CD82: variants seen among roughly 807,000 people sequenced by gnomAD.
CD82 encodes CD82 antigen.
A neutral mutation model predicts 37.4 loss-of-function variants in CD82; 36 were observed. That is an observed-to-expected ratio of 0.96 (90% confidence interval 0.74 to 1.27). The LOEUF is 1.27. CD82 is among the 50% of genes most tolerant of loss of function. The pLI, the probability that CD82 is intolerant of heterozygous loss-of-function variation, is 0.00. For synonymous variants in CD82, 158 were observed against 137.4 expected, an observed-to-expected ratio of 1.15 and a Z score of -1.05; for missense variants, 340 against 347.0, an observed-to-expected ratio of 0.98 and a Z score of 0.16.
At position 44,618,149 on chromosome 11, in the gene CD82, C is replaced by G. The variant is rs1853592092; in HGVS notation, c.439-13C>G. The stretch of plus-strand genomic sequence containing the variant: ...GCCGTGAGCACAAGCAGTCTGTCCC[C>G]TGCCTTGCCCAGGTGAAGTGCTGCG... On this transcript the variant is annotated splice_polypyrimidine_tract_variant and intron_variant, in intron 7 of 9. Coordinates refer to ENST00000227155, the MANE Select transcript of CD82 (RefSeq NM_002231.4). 1 of 1,613,234 alleles carries G rather than the reference C, an allele frequency of 6.2e-7. No individual in the cohort carries two copies. The highest frequency in any genetic ancestry group is 1.1e-5 in the South Asian group (1 of 91,052).
chr11:44,591,186 G>A (rs116250143), intron 2 of CD82, among the ~76,000 whole-genome samples: 2,305 of 152,250 alleles, frequency 0.015, 45 homozygotes, highest in African/African-American at 0.037. Flanking sequence ...TCAGCCTCTG[G>A]ACCCACCCAG....
chr11:44,618,148 C>G lies in CD82; in HGVS notation c.439-14C>G, dbSNP rs762322477. Reference sequence around the variant, plus strand: ...AGCCGTGAGCACAAGCAGTCTGTCCCCTGCCTTGCCCAGGTGAAGTGCTGC... The same window carrying G: ...AGCCGTGAGCACAAGCAGTCTGTCCGCTGCCTTGCCCAGGTGAAGTGCTGC... On this transcript the variant is annotated splice_polypyrimidine_tract_variant and intron_variant, in intron 7 of 9. Transcript: ENST00000227155. The G allele has an allele frequency of 5.6e-6, 9 of 1,613,080 alleles. No homozygotes were observed. The South Asian group carries it at 9.9e-5, about 18-fold the overall frequency.
In CD82 at chr11:44,605,142, G is replaced by T. The variant is rs774467192; in HGVS notation, c.221G>T (p.Cys74Phe). 1.2e-6 allele frequency: 2 copies of T among 1,614,194 alleles called. No homozygotes were observed. Among genetic ancestry groups the T allele is most frequent in the East Asian group, 2.2e-5 (1 of 44,878 alleles). Residue 74 changes from cysteine (C) to phenylalanine (F), a missense_variant, in exon 5 of 10, where the codon TGC (cysteine) becomes TTC (phenylalanine). Cys to Phe is a radical substitution (Grantham distance 205, BLOSUM62 -2). Coordinates refer to ENST00000227155, the MANE Select transcript of CD82 (RefSeq NM_002231.4). ...ACTATGCTCATGGGCTTCCTGGGCT[G>T]CATCGGCGCCGTCAACGAGGTCCGC... ...AVTMLMGFLGCIGAVNEVRCL... is the reference protein window; with the variant it reads ...AVTMLMGFLGFIGAVNEVRCL...
upstream of CD82, among the ~76,000 whole-genome samples, chr11:44,564,721 G>A (rs1212645530): frequency 1.3e-5 from 2 of 152,168 alleles, no homozygotes; most frequent in African/African-American, 4.8e-5. Flanking sequence ...CAGCTGCTGG[G>A]CACTGCCCCA....
At chr11:44,585,135 T>TC (rs1590332732) in intron 1 of CD82, 7 of 453,018 alleles carry the variant, frequency 1.5e-5, no homozygotes, top group Non-Finnish European at 3.1e-5. Context: ...GTCCTACTTC[T>TC]CCCCCAGCCC....
intron 8 of CD82, 107 bp from the exon 9 acceptor site, chr11:44,618,533 C>A: frequency 9.0e-7 from 1 of 1,108,342 alleles, no homozygotes; most frequent in Non-Finnish European, 1.3e-6. Context: ...ACAGGCAGAG[C>A]CCTCTGTAGG....
intron 2 of CD82, 34 bp from the exon 3 acceptor site, chr11:44,594,609 C>T (rs1327288968): frequency 6.7e-6 from 9 of 1,351,018 alleles, no homozygotes; most frequent in Non-Finnish European, 9.6e-6. Flanking sequence ...CTGAGCTGAT[C>T]CCCTCACTGG....
chr11:44,587,054 C>T (rs1305485184), intron 1 of CD82, among the ~76,000 whole-genome samples: 2 of 152,178 alleles, frequency 1.3e-5, no homozygotes, highest in Non-Finnish European at 2.9e-5. Flanking sequence ...CAGCCCTACC[C>T]CTAGAGATCC....
chr11:44,614,123 C>T (rs1292339139), intron 6 of CD82, among the ~76,000 whole-genome samples: 2 of 152,304 alleles, frequency 1.3e-5, no homozygotes, highest in African/African-American at 4.8e-5. Flanking sequence ...AGCAATTCTC[C>T]TGCCTCAGCC....
At chr11:44,598,715 G>T (rs1490502434) in intron 3 of CD82, among the ~76,000 whole-genome samples, 2 of 152,054 alleles carry the variant, frequency 1.3e-5, no homozygotes, top group African/African-American at 2.4e-5. Flanking sequence ...TCGTGCCTTG[G>T]GCCGGTCCTG....
chr11:44,603,333 C>T (rs546734923), intron 4 of CD82, among the ~76,000 whole-genome samples: 1 of 152,278 alleles, frequency 6.6e-6, no homozygotes, highest in Admixed American at 6.5e-5. Context: ...GACTCCCTCC[C>T]GTCCTCCAGT....
chr11:44,597,117 G>C lies in CD82; in HGVS notation c.63+2392G>C. ...TTTTATGCACATTGGGAGGGGTTTC[G>C]TGGTTGGATTTGTGGTTTGGAAAAA... On this transcript the variant is annotated intron_variant, in intron 3 of 9. Transcript: ENST00000227155. This position sits in a 1 kb window ranked among gnomAD's most constrained non-coding sequence, Gnocchi z 4.1. 2.3e-6 allele frequency: 1 copy of C among 438,930 alleles called. No homozygotes were observed. Among genetic ancestry groups the C allele is most frequent in the Non-Finnish European group, 4.6e-6 (1 of 218,184 alleles). The allele number at this position is 438,930 out of a possible 1,614,324, so 27.2% of individuals were successfully genotyped here. A position where few individuals can be genotyped will look rare whatever the true frequency, so the allele number is the denominator to read the frequency against.
At chr11:44,577,905 G>A (rs531087183) in intron 1 of CD82, among the ~76,000 whole-genome samples, 4 of 152,254 alleles carry the variant, frequency 2.6e-5, no homozygotes, top group Admixed American at 6.5e-5. Flanking sequence ...TGTCCTCGGC[G>A]GATAATGGGC....
intron 6 of CD82, among the ~76,000 whole-genome samples, chr11:44,610,119 A>C (rs1302399687): frequency 2.6e-5 from 4 of 152,118 alleles, no homozygotes; most frequent in Non-Finnish European, 5.9e-5. Flanking sequence ...ATAAGGGGCT[A>C]TTTCACACCT....
intron 1 of CD82, among the ~76,000 whole-genome samples, chr11:44,580,109 C>T (rs1225553266): frequency 6.6e-6 from 1 of 152,208 alleles, no homozygotes; most frequent in African/African-American, 2.4e-5. Context: ...CCTGCCCTCT[C>T]CTTCTCACCT....
At chr11:44,588,258 C>T (rs1238687753) in intron 2 of CD82, among the ~76,000 whole-genome samples, 1 of 149,654 alleles carries the variant, frequency 6.7e-6, no homozygotes, top group African/African-American at 2.5e-5. Context: ...GAGTCTCACT[C>T]TGTCACCCAG....
At chr11:44,595,030 C>G in intron 3 of CD82, 1 of 429,336 alleles carries the variant, frequency 2.3e-6, no homozygotes, top group Non-Finnish European at 4.3e-6. Context: ...ATCCCCCTAA[C>G]TCAACAGCAG....
intron 1 of CD82, chr11:44,573,090 G>A (rs73454705): frequency 0.13 from 19,300 of 152,282 alleles, 1,277 homozygotes; most frequent in South Asian, 0.19. Flanking sequence ...GCCTCCCAGG[G>A]CGTGGCGTGA....
intron 1 of CD82, chr11:44,587,212 A>C (rs1408097798): frequency 2.9e-6 from 1 of 344,822 alleles, no homozygotes; most frequent in East Asian, 7.5e-5. Context: ...GCTTGTGGGA[A>C]AATACGGGAA....
Sources: allele counts gnomAD v4.1 joint callset (sites outside exome capture counted in the v4.1 genomes callset), GRCh38; gene constraint gnomAD v4.1.1; non-coding constraint Gnocchi (gnomAD v3.1); transcripts MANE v1.5; gene names NCBI Gene and HGNC (gene_info 2026-07-23, HGNC 2026-07-21).